THAP8: variants seen among roughly 807,000 people sequenced by gnomAD.
The protein encoded by THAP8 is THAP domain-containing protein 8.
Under a neutral mutation model 25.0 loss-of-function variants are expected in THAP8, and 24 were observed. The observed-to-expected ratio is 0.96, with a 90% CI of 0.69 to 1.35. THAP8 has a LOEUF of 1.35. Among genes scored for constraint, THAP8 ranks in the 40% most tolerant of loss-of-function variants. The probability of loss-of-function intolerance (pLI) is 0.00; values close to 1 mark genes in which losing one functional copy is unlikely to be tolerated. For synonymous variants in THAP8, 169 were observed against 157.6 expected, an observed-to-expected ratio of 1.07 and a Z score of -0.54; for missense variants, 399 against 368.8, an observed-to-expected ratio of 1.08 and a Z score of -0.67.
chr19:36,035,734 G>A (rs1234911934), intron 3 of THAP8, 142 bp from the exon 4 acceptor site: 1 of 934,130 alleles, frequency 1.1e-6, no homozygotes, highest in Admixed American at 2.7e-5. Context: ...AGAGATATGA[G>A]GAGACAGGAA....
chr19:36,053,762 G>A (rs891776434), intron 1 of THAP8, among the ~76,000 whole-genome samples: 16 of 152,108 alleles, frequency 1.1e-4, no homozygotes, highest in Non-Finnish European at 1.9e-4. Context: ...AAGACAGACT[G>A]GAAGGTTTTG....
intron 1 of THAP8, among the ~76,000 whole-genome samples, chr19:36,046,936 C>A (rs574702347): frequency 6.6e-6 from 1 of 152,086 alleles, no homozygotes. Context: ...ATGGAAGGGA[C>A]GATCAACAGG....
intron 3 of THAP8, among the ~76,000 whole-genome samples, chr19:36,037,723 T>A (rs1969527546): frequency 6.6e-6 from 1 of 152,204 alleles, no homozygotes; most frequent in East Asian, 1.9e-4. Context: ...CACTGCAACC[T>A]CTGCTTCCCA....
intron 1 of THAP8, among the ~76,000 whole-genome samples, chr19:36,041,543 C>G (rs1337757689): frequency 6.6e-6 from 1 of 152,128 alleles, no homozygotes; most frequent in East Asian, 1.9e-4. Flanking sequence ...ACTGAGGGCT[C>G]TACTTTTTGT....
upstream of THAP8, chr19:36,054,473 A>G: frequency 1.7e-6 from 1 of 582,678 alleles, no homozygotes. Flanking sequence ...GCCCTTCGTC[A>G]CCCCGACTTT....
At chr19:36,050,091 C>T (rs1970012149) in intron 1 of THAP8, among the ~76,000 whole-genome samples, 1 of 150,778 alleles carries the variant, frequency 6.6e-6, no homozygotes, top group Non-Finnish European at 1.5e-5. Flanking sequence ...GCAGCCTGGA[C>T]TACATGATGA....
intron 3 of THAP8, among the ~76,000 whole-genome samples, chr19:36,037,859 C>T (rs1367604852): frequency 1.3e-5 from 2 of 151,914 alleles, no homozygotes; most frequent in South Asian, 2.1e-4. Context: ...AGGCTGGTCT[C>T]GAACTCCTGA....
intron 3 of THAP8, 50 bp downstream of exon 3, chr19:36,039,273 G>A: frequency 7.1e-7 from 1 of 1,417,520 alleles, no homozygotes; most frequent in East Asian, 2.7e-5. Flanking sequence ...ACACACTGCA[G>A]GCCAGGCCAC....
Position 36,049,879 on chromosome 19 carries a change from T to A in THAP8, c.83+4256A>T, listed in dbSNP as rs936489188. ...ACCCACCTGGCCAACATGGTGAAACTCCATCTCTACTAAAAATACAAAGAA... is the reference window on the plus strand; with the variant it reads ...ACCCACCTGGCCAACATGGTGAAACACCATCTCTACTAAAAATACAAAGAA... On this transcript the variant is annotated intron_variant, in intron 1 of 3. Transcript: ENST00000292894. 1.3e-5 allele frequency among the ~76,000 whole-genome samples: 2 copies of A among 151,858 alleles called. 1 individual carries two copies. Among genetic ancestry groups the A allele is most frequent in the Admixed American group, 1.3e-4 (2 of 15,242 alleles).
intron 3 of THAP8, 92 bp from the exon 4 acceptor site, chr19:36,035,684 T>G (rs1433168279): frequency 1.4e-6 from 2 of 1,462,592 alleles, no homozygotes; most frequent in Non-Finnish European, 1.9e-6. Context: ...GAGGCAAAGG[T>G]GGCAGGAGGG....
Position 36,039,693 on chromosome 19 carries a change from T to G in THAP8, c.302A>C (p.Gln101Pro). ...AKSQRRTRST[Q>P]KPVSPPPPLQ... is the part of the protein sequence containing the mutation. ...GGGAGGCGGCGGCGAGACTGGCTTC[T>G]GGGTGCTTCGGGTCCTCCGCTGACT... Residue 101 changes from glutamine to proline, a missense_variant, in exon 3 of 4, where the codon CAG becomes CCG. Transcript: ENST00000292894. The G allele has an allele frequency of 6.6e-7, 1 of 1,525,276 alleles. No homozygotes were observed. Among genetic ancestry groups the G allele is most frequent in the Non-Finnish European group, 8.8e-7 (1 of 1,135,106 alleles). 94.5% of individuals were successfully genotyped at this position (1,525,276 alleles called of 1,614,324 possible).
At chr19:36,036,086 C>CTCCA (rs1367464139) in intron 3 of THAP8, among the ~76,000 whole-genome samples, 3 of 151,904 alleles carry the variant, frequency 2.0e-5, no homozygotes, top group Non-Finnish European at 4.4e-5. Context: ...ATCTGGCAGG[C>CTCCA]TCCACAAAGA....
intron 3 of THAP8, among the ~76,000 whole-genome samples, chr19:36,037,277 C>T (rs1246558618): frequency 6.9e-6 from 1 of 145,308 alleles, no homozygotes; most frequent in Non-Finnish European, 1.5e-5. Context: ...CACACACACA[C>T]ACCTTCCTCA....
At chr19:36,042,997 C>T (rs867857659) in intron 1 of THAP8, among the ~76,000 whole-genome samples, 2 of 151,248 alleles carry the variant, frequency 1.3e-5, no homozygotes, top group Admixed American at 6.6e-5. Context: ...GGTGTGATCT[C>T]GGCTCACTGC....
chr19:36,043,893 A>G (rs1969788011), intron 1 of THAP8, among the ~76,000 whole-genome samples: 1 of 152,152 alleles, frequency 6.6e-6, no homozygotes, highest in Admixed American at 6.6e-5. Flanking sequence ...ATCTCAAAAA[A>G]AAATTTTTTT....
chr19:36,040,089 A>G lies in THAP8; in HGVS notation c.131T>C (p.Met44Thr). 1 of 1,613,048 alleles carries G rather than the reference A, an allele frequency of 6.2e-7. No individual in the cohort carries two copies. Among genetic ancestry groups the G allele is most frequent in the Non-Finnish European group, 8.5e-7 (1 of 1,179,468 alleles). ...GCTGGGCACCCAGTGCTCACAGCCC[A>G]TGTGCTGCAGCCAGGCCTGCAGCCG... Reference protein sequence around the residue: ...GPRLQAWLQHMGCEHWVPSCH... With the variant: ...GPRLQAWLQHTGCEHWVPSCH... The change falls in exon 2 of 4, where the codon ATG (methionine) becomes ACG (threonine). Residue 44 changes from methionine to threonine, a missense_variant. By Grantham distance (81) the Met-to-Thr change is moderately conservative (BLOSUM62 -1). Coordinates refer to ENST00000292894, the MANE Select transcript of THAP8 (RefSeq NM_152658.3).
chr19:36,040,117 GA>G lies in THAP8; in HGVS notation c.102del (p.Arg36GlyfsTer95). ...TGCTGCAGCCAGGCCTGCAGCCGGG[GA>G]CCATCCTTCAGTGGGAACCTGCATG... The part of the protein sequence containing the change: ...VSFYKFPLKD[G>X]PRLQAWLQHM... On this transcript the variant is annotated frameshift_variant, in exon 2 of 4. Transcript: ENST00000292894. LOFTEE classifies it high-confidence loss of function. 6.2e-7 allele frequency: 1 copy of G among 1,609,344 alleles called. No individual in the cohort carries two copies. The highest frequency in any genetic ancestry group is 8.5e-7 in the Non-Finnish European group (1 of 1,177,528).
chr19:36,036,295 A>ATTTTTTTTTT, intron 3 of THAP8, among the ~76,000 whole-genome samples: 1 of 46,824 alleles, frequency 2.1e-5, no homozygotes, highest in Non-Finnish European at 3.7e-5. Context: ...TTTTTTTTTG[A>ATTTTTTTTTT]GACAGAGTCT....
At chr19:36,053,918 C>T (rs1568558173) in intron 1 of THAP8, among the ~76,000 whole-genome samples, 1 of 152,176 alleles carries the variant, frequency 6.6e-6, no homozygotes, top group African/African-American at 2.4e-5. Context: ...CGGCTCGCTT[C>T]GCTCGCTATC....
Sources: allele counts gnomAD v4.1 joint callset (sites outside exome capture counted in the v4.1 genomes callset), GRCh38; gene constraint gnomAD v4.1.1; transcripts MANE v1.5; gene names NCBI Gene and HGNC (gene_info 2026-07-23, HGNC 2026-07-21).